Variants in NEK11 observed in about 807,000 individuals in gnomAD.
NEK11 encodes serine/threonine-protein kinase Nek11.
A neutral mutation model predicts 80.7 loss-of-function variants in NEK11; 72 were observed. The observed-to-expected ratio is 0.89, with a 90% CI of 0.74 to 1.08. NEK11 has a LOEUF of 1.08. NEK11 is among the 50% of genes least tolerant of loss of function. NEK11 has a pLI of 0.00. For missense variants in NEK11, 764 were observed against 763.6 expected, an observed-to-expected ratio of 1.00 and a Z score of -0.01; for synonymous variants, 251 against 260.7, an observed-to-expected ratio of 0.96 and a Z score of 0.36.
At position 131,175,146 on chromosome 3, in the gene NEK11, T is replaced by C. The variant is rs550221864; in HGVS notation, c.1399+4259T>C. ...TGAACTTTGCTAATTAAATATGTTA[T>C]GTTTTTATTGTTTTAATTTTAAAAA... On this transcript the variant is annotated intron_variant, in intron 14 of 17. Coordinates refer to ENST00000383366, the MANE Select transcript of NEK11 (RefSeq NM_024800.5). 82 of 973,210 alleles carry C rather than the reference T, an allele frequency of 8.4e-5. 1 individual carries two copies. The South Asian group carries it at 3.6e-3, about 43-fold the overall frequency. The allele number at this position is 973,210 out of a possible 1,614,324, so 60.3% of individuals were successfully genotyped here.
At chr3:131,343,459 G>C (rs1473468735) in intron 17 of NEK11, among the ~76,000 whole-genome samples, 1 of 152,162 alleles carries the variant, frequency 6.6e-6, no homozygotes, top group Non-Finnish European at 1.5e-5. Context: ...GATTGTTTTG[G>C]TTTTCCATTT....
chr3:131,219,968 A>G (rs1173340627), intron 14 of NEK11, among the ~76,000 whole-genome samples: 1 of 152,238 alleles, frequency 6.6e-6, no homozygotes, highest in African/African-American at 2.4e-5. Context: ...CCAATAAGCA[A>G]CGGAGGCAGA....
At chr3:131,213,191 C>T (rs1020366283) in intron 14 of NEK11, among the ~76,000 whole-genome samples, 1 of 149,006 alleles carries the variant, frequency 6.7e-6, no homozygotes, top group African/African-American at 2.5e-5. Context: ...CCACCCATCT[C>T]CACACACACA....
intron 14 of NEK11, among the ~76,000 whole-genome samples, chr3:131,220,594 G>T (rs2094987407): frequency 6.6e-6 from 1 of 152,184 alleles, no homozygotes; most frequent in Non-Finnish European, 1.5e-5. Flanking sequence ...CTGGCTTGGT[G>T]TAATAAAGCC....
intron 14 of NEK11, among the ~76,000 whole-genome samples, chr3:131,211,698 C>T (rs1301075855): frequency 6.6e-6 from 1 of 152,158 alleles, no homozygotes; most frequent in Non-Finnish European, 1.5e-5. Flanking sequence ...AACTTCTCTT[C>T]TTGCTTCATT....
intron 10 of NEK11, among the ~76,000 whole-genome samples, chr3:131,157,476 C>T (rs2090869960): frequency 6.6e-6 from 1 of 152,098 alleles, no homozygotes; most frequent in Non-Finnish European, 1.5e-5. Context: ...AACCACTACA[C>T]CATGCTGCAA....
intron 16 of NEK11, among the ~76,000 whole-genome samples, chr3:131,244,299 C>T (rs1286354294): frequency 2.0e-5 from 3 of 152,094 alleles, no homozygotes; most frequent in Non-Finnish European, 2.9e-5. Flanking sequence ...ATATGGGAAA[C>T]CTCAGTCATA....
chr3:131,158,524 A>G (rs2091078228), intron 10 of NEK11, among the ~76,000 whole-genome samples: 3 of 152,152 alleles, frequency 2.0e-5, no homozygotes, highest in East Asian at 1.9e-4. Context: ...AACTAGGTGC[A>G]GAGAACAGCG....
chr3:131,031,847 C>A, intron 3 of NEK11, among the ~76,000 whole-genome samples: 1 of 152,184 alleles, frequency 6.6e-6, no homozygotes, highest in East Asian at 1.9e-4. Context: ...AGTCCACAAT[C>A]TCTGGGAAAG....
chr3:131,135,556 A>G (rs1021436931), intron 7 of NEK11, among the ~76,000 whole-genome samples: 2 of 152,196 alleles, frequency 1.3e-5, no homozygotes, highest in African/African-American at 4.8e-5. Flanking sequence ...CTACCTATCA[A>G]GAGAAATCTT....
chr3:131,276,150 C>A (rs1031886047), intron 17 of NEK11, among the ~76,000 whole-genome samples: 1 of 152,210 alleles, frequency 6.6e-6, no homozygotes, highest in African/African-American at 2.4e-5. Flanking sequence ...AAATGGCTGT[C>A]TAACCTTTGA....
rs2092469101 is a variant in NEK11 at position 131,168,837 on chromosome 3, C to T, written c.1184C>T (p.Thr395Ile). ...QLSVDVLHEK[T>I]HLKGMEEKEE... ...TTGTCATAATCTCTTTAGGAAAAAA[C>T]ACATTTAAAAGGAATGGAAGAAAAG... Residue 395 changes from threonine (T) to isoleucine (I), a missense_variant, in exon 13 of 18, where the codon ACA (threonine) becomes ATA (isoleucine). By Grantham distance (89) the Thr-to-Ile change is moderately conservative. Transcript: ENST00000383366. 3.1e-6 allele frequency: 5 copies of T among 1,612,210 alleles called. No individual in the cohort carries two copies. The highest frequency in any genetic ancestry group is 1.3e-5 in the African/African-American group (1 of 74,846).
intron 14 of NEK11, among the ~76,000 whole-genome samples, chr3:131,212,858 C>A (rs2094682893): frequency 6.6e-6 from 1 of 152,150 alleles, no homozygotes; most frequent in South Asian, 2.1e-4. Flanking sequence ...CATCACCAGT[C>A]TAGATGTTGC....
chr3:131,215,344 G>C (rs2094795017), intron 14 of NEK11, among the ~76,000 whole-genome samples: 1 of 151,726 alleles, frequency 6.6e-6, no homozygotes, highest in African/African-American at 2.4e-5. Flanking sequence ...AATGGGTGCA[G>C]CACACCAACA....
chr3:131,125,921 A>G (rs995177598), intron 5 of NEK11, among the ~76,000 whole-genome samples: 3 of 152,240 alleles, frequency 2.0e-5, no homozygotes, highest in African/African-American at 7.2e-5. Flanking sequence ...AGCAGGCCAC[A>G]TATAGAACTG....
At chr3:131,210,759 G>T (rs1315857576) in intron 14 of NEK11, among the ~76,000 whole-genome samples, 1 of 152,040 alleles carries the variant, frequency 6.6e-6, no homozygotes, top group African/African-American at 2.4e-5. Flanking sequence ...ATCTTTGTTG[G>T]TTTAAAGTCT....
rs1367962530 is a variant in NEK11 at position 131,162,543 on chromosome 3, T to G, written c.1082+16T>G. On this transcript the variant is annotated intron_variant, in intron 11 of 17. Transcript: ENST00000383366. ...GGAAGCTGAAGTAAGCTGCTTTTCC[T>G]TTAGGCACTCATGCTCGGGACTACT... is the stretch of plus-strand genomic sequence containing the variant. 1.4e-5 allele frequency: 23 copies of G among 1,613,484 alleles called. No individual in the cohort carries two copies. The highest frequency in any genetic ancestry group is 1.9e-5 in the Non-Finnish European group (23 of 1,179,782).
At chr3:131,048,562 A>C (rs1226237568) in intron 3 of NEK11, among the ~76,000 whole-genome samples, 1 of 152,142 alleles carries the variant, frequency 6.6e-6, no homozygotes, top group African/African-American at 2.4e-5. Context: ...CTGGACCTTC[A>C]GGTTCCCCAG....
chr3:131,118,997 T>G (rs1316424962), intron 5 of NEK11, among the ~76,000 whole-genome samples: 1 of 152,202 alleles, frequency 6.6e-6, no homozygotes, highest in African/African-American at 2.4e-5. Context: ...CTTAGTTATT[T>G]CCTGCCTTCT....
Sources: gnomAD v4.1 joint callset for allele counts (sites outside exome capture counted in the v4.1 genomes callset) on GRCh38, gnomAD v4.1.1 for gene constraint, MANE v1.5 for transcripts, NCBI Gene and HGNC (gene_info 2026-07-23, HGNC 2026-07-21) for gene names.